NUP62CL: variants seen among roughly 807,000 people sequenced by gnomAD.
NUP62CL encodes the protein nucleoporin-62 C-terminal-like protein.
In NUP62CL, 13 loss-of-function variants were observed where a neutral mutation model predicts 15.3. The ratio of observed to expected loss-of-function variants is 0.85; its 90% CI spans 0.55 to 1.35. The LOEUF (loss-of-function observed/expected upper bound fraction) is 1.35. Among genes scored for constraint, NUP62CL ranks in the 40% most tolerant of loss-of-function variants. The pLI, the probability that NUP62CL is intolerant of heterozygous loss-of-function variation, is 0.00. For missense variants in NUP62CL, 123 were observed against 130.6 expected, an observed-to-expected ratio of 0.94 and a Z score of 0.28; for synonymous variants, 54 against 49.2, an observed-to-expected ratio of 1.10 and a Z score of -0.41.
At chrX:107,183,463 A>C (rs1926964829) in intron 2 of NUP62CL, among the ~76,000 whole-genome samples, 1 of 110,763 alleles carries the variant, frequency 9.0e-6, no homozygotes, top group Non-Finnish European at 1.9e-5. Context: ...AAGTAAAATA[A>C]GATAAAAAAT....
At chrX:107,171,982 G>A (rs1187329678) in intron 3 of NUP62CL, among the ~76,000 whole-genome samples, 1 of 109,714 alleles carries the variant, frequency 9.1e-6, no homozygotes, top group African/African-American at 3.3e-5. Context: ...ACATTGGCCA[G>A]TTAGTCTACT....
At chrX:107,206,095 G>A (rs1927674461) in intron 1 of NUP62CL, among the ~76,000 whole-genome samples, 178 bp downstream of exon 1, 2 of 110,664 alleles carry the variant, frequency 1.8e-5, no homozygotes, top group South Asian at 8.0e-4. Flanking sequence ...GGCTGGGGGC[G>A]TGGAGGACTG....
intron 4 of NUP62CL, among the ~76,000 whole-genome samples, chrX:107,166,594 T>C (rs942181271): frequency 2.7e-5 from 3 of 112,198 alleles, no homozygotes; most frequent in African/African-American, 9.7e-5. Context: ...GAAATACTTA[T>C]ATTCATAATA....
chrX:107,189,828 GGGAA>G (rs147140354), intron 2 of NUP62CL, among the ~76,000 whole-genome samples: 10,230 of 53,665 alleles, frequency 0.19, 1,165 homozygotes, highest in East Asian at 0.44. Flanking sequence ...GAAAGAAGGA[GGGAA>G]GGAAGGAAGG....
intron 8 of NUP62CL, among the ~76,000 whole-genome samples, chrX:107,133,331 A>G (rs1425878386): frequency 1.8e-5 from 2 of 108,700 alleles, no homozygotes; most frequent in South Asian, 4.0e-4. Flanking sequence ...TTTAAGATCG[A>G]TAACTTTTTT....
intron 8 of NUP62CL, among the ~76,000 whole-genome samples, chrX:107,137,358 C>T (rs907074453): frequency 8.9e-6 from 1 of 111,841 alleles, no homozygotes; most frequent in African/African-American, 3.3e-5. Context: ...CTTATCACTA[C>T]TACTCAACAT....
intron 8 of NUP62CL, among the ~76,000 whole-genome samples, chrX:107,130,622 C>A (rs760933831): frequency 2.7e-5 from 3 of 111,136 alleles, no homozygotes; most frequent in Non-Finnish European, 1.9e-5. Flanking sequence ...AGACCATAGC[C>A]GAGCAGCAGA....
chrX:107,177,137 T>C (rs916532544), intron 2 of NUP62CL, among the ~76,000 whole-genome samples: 2 of 111,908 alleles, frequency 1.8e-5, no homozygotes, highest in African/African-American at 6.5e-5. Context: ...AAGATTAATA[T>C]ATAAAAATAA....
chrX:107,202,850 A>C (rs1927519352), intron 1 of NUP62CL, among the ~76,000 whole-genome samples: 1 of 106,966 alleles, frequency 9.3e-6, no homozygotes, highest in Admixed American at 1.0e-4. Context: ...GAAAAAAAAA[A>C]AAATTAGCCA....
chrX:107,170,004 GT>G (rs1200187565), intron 3 of NUP62CL, among the ~76,000 whole-genome samples: 1 of 110,318 alleles, frequency 9.1e-6, no homozygotes, highest in Non-Finnish European at 1.9e-5. Flanking sequence ...GAGGTCAGGA[GT>G]TTGAGACGAG....
chrX:107,185,279 C>G (rs1471187924), intron 2 of NUP62CL, among the ~76,000 whole-genome samples: 1 of 108,886 alleles, frequency 9.2e-6, no homozygotes, highest in Non-Finnish European at 1.9e-5. Context: ...ATCTTGGAAC[C>G]TCGGGAAGTA....
At chrX:107,161,845 C>T (rs1019030666) in intron 4 of NUP62CL, among the ~76,000 whole-genome samples, 1 of 84,238 alleles carries the variant, frequency 1.2e-5, no homozygotes, top group Non-Finnish European at 2.4e-5. Flanking sequence ...AAAAAATTAC[C>T]TATCATATCA....
chrX:107,146,646 T>A lies in NUP62CL; in HGVS notation c.*42+1097A>T, dbSNP rs576429867. 1.9e-4 allele frequency among the ~76,000 whole-genome samples: 21 copies of A among 111,669 alleles called. 1 individual carries two copies. Among genetic ancestry groups the A allele is most frequent in the African/African-American group, 6.5e-4 (20 of 30,834 alleles). On this transcript the variant is annotated intron_variant, in intron 8 of 8. Coordinates refer to ENST00000372466, the MANE Select transcript of NUP62CL (RefSeq NM_017681.3). ...TAGACTTTCTCCTGTACCTCCTTTT[T>A]TTTGGAGTATCATTATAGATTCATG...
chrX:107,189,930 AAAGAAAGAAAGAAAG>A lies in NUP62CL; in HGVS notation c.-48+3084_-48+3098del, dbSNP rs1386172055. On this transcript the variant is annotated intron_variant, in intron 2 of 8. Coordinates refer to ENST00000372466, the MANE Select transcript of NUP62CL (RefSeq NM_017681.3). ...GAAAGAAAGAAAGAAAGAAAGAAAG[AAAGAAAGAAAGAAAG>A]AGAATCGATACAGACAACAATCTGG... is the stretch of plus-strand genomic sequence containing the variant. Among the ~76,000 whole-genome samples, 165 of 108,147 alleles carry A rather than the reference AAAGAAAGAAAGAAAG, an allele frequency of 1.5e-3. 3 individuals are homozygous for A. The highest frequency in any genetic ancestry group is 0.014 in the Middle Eastern group (3 of 211). The allele number at this position is 108,147 out of a possible 115,157, so 93.9% of individuals were successfully genotyped here. A position where few individuals can be genotyped will look rare whatever the true frequency, so the allele number is the denominator to read the frequency against.
intron 8 of NUP62CL, among the ~76,000 whole-genome samples, chrX:107,146,943 T>C (rs1279842498): frequency 9.0e-6 from 1 of 111,479 alleles, no homozygotes; most frequent in South Asian, 3.8e-4. Flanking sequence ...AAGATCTAGG[T>C]TCTAGGTGTG....
At chrX:107,203,830 A>G (rs1927545098) in intron 1 of NUP62CL, among the ~76,000 whole-genome samples, 1 of 111,721 alleles carries the variant, frequency 9.0e-6, no homozygotes, top group Non-Finnish European at 1.9e-5. Flanking sequence ...GAATTGAGTG[A>G]GATTTTTCAT....
At chrX:107,151,844 C>T (rs1926017116) in intron 7 of NUP62CL, among the ~76,000 whole-genome samples, 1 of 105,057 alleles carries the variant, frequency 9.5e-6, no homozygotes, top group South Asian at 4.3e-4. Flanking sequence ...GCCTGGCCAA[C>T]ATGGTGAAAC....
chrX:107,147,852 G>A (rs764498212), intron 7 of NUP62CL, 43 bp from the exon 8 acceptor site: 3 of 1,031,955 alleles, frequency 2.9e-6, no homozygotes, highest in Non-Finnish European at 4.1e-6. Context: ...TTATTCTGAG[G>A]TGGTAAATAA....
chrX:107,149,337 T>G (rs1569356506), intron 7 of NUP62CL, among the ~76,000 whole-genome samples: 1 of 112,717 alleles, frequency 8.9e-6, no homozygotes, highest in Non-Finnish European at 1.9e-5. Flanking sequence ...ATTACAATGG[T>G]AATCTAATAT....
Sources: allele counts gnomAD v4.1 joint callset (sites outside exome capture counted in the v4.1 genomes callset), GRCh38; gene constraint gnomAD v4.1.1; transcripts MANE v1.5; gene names NCBI Gene and HGNC (gene_info 2026-07-23, HGNC 2026-07-21).